The following MYRFL variants were observed in gnomAD, a reference collection of about 807,000 sequenced individuals.
The protein encoded by MYRFL is myelin regulatory factor-like protein.
MYRFL carries 88 observed loss-of-function variants against 109.4 expected under a neutral mutation model. The ratio of observed to expected loss-of-function variants is 0.80; its 90% CI spans 0.68 to 0.96. The LOEUF (loss-of-function observed/expected upper bound fraction) is 0.96. Ranked by LOEUF, MYRFL falls within the 40% of genes least tolerant of loss-of-function variation. The pLI is 0.00. For synonymous variants in MYRFL, 324 were observed against 320.9 expected (o/e 1.01, Z -0.10); for missense variants, 957 against 954.9 (o/e 1.00, Z -0.03).
At chr12:69,853,237 G>A (rs955390461) in intron 1 of MYRFL, among the ~76,000 whole-genome samples, 3 of 151,560 alleles carry the variant, frequency 2.0e-5, no homozygotes, top group Admixed American at 6.6e-5. Flanking sequence ...CCTCCCGGAC[G>A]GGGCGGCTGG....
At chr12:69,829,074 G>A (rs1192618052) in intron 1 of MYRFL, among the ~76,000 whole-genome samples, 1 of 152,004 alleles carries the variant, frequency 6.6e-6, no homozygotes, top group Non-Finnish European at 1.5e-5. Context: ...AAGATCACAA[G>A]TAAAAGCTCA....
chr12:69,925,514 C>G (rs1307692914), intron 13 of MYRFL, among the ~76,000 whole-genome samples: 2 of 152,020 alleles, frequency 1.3e-5, no homozygotes, highest in African/African-American at 2.4e-5. Context: ...CTTGGACCAG[C>G]CTCTCTGCAA....
intron 16 of MYRFL, 44 bp from the exon 17 acceptor site, chr12:69,936,069 C>T: frequency 6.7e-7 from 1 of 1,490,414 alleles, no homozygotes; most frequent in Admixed American, 2.3e-5. Flanking sequence ...AACAAATCTG[C>T]CACATAATGT....
intron 5 of MYRFL, among the ~76,000 whole-genome samples, chr12:69,882,319 G>A (rs573720328): frequency 6.6e-6 from 1 of 150,700 alleles, no homozygotes; most frequent in East Asian, 1.9e-4. Flanking sequence ...AAGAAAGAAA[G>A]AAAAAAAAGA....
At position 69,958,986 on chromosome 12, in the gene MYRFL, T is replaced by TGATA. The variant is rs1428962695; in HGVS notation, c.*456_*459dup. The TGATA allele has an allele frequency of 6.1e-6, 1 of 162,892 alleles. No individual in the cohort carries two copies. Among genetic ancestry groups the TGATA allele is most frequent in the African/African-American group, 2.4e-5 (1 of 41,524 alleles). The allele number at this position is 162,892 out of a possible 1,614,324, so 10.1% of individuals were successfully genotyped here. Reference sequence around the variant, plus strand: ...TGGAGGAGATGTGGGGGGTGGTATCTGATACTGAGCTCACATTTAGGCAAA... The same window carrying TGATA: ...TGGAGGAGATGTGGGGGGTGGTATCTGATAGATACTGAGCTCACATTTAGGCAAA... On this transcript the variant is annotated 3_prime_UTR_variant, in exon 25 of 25. Transcript: ENST00000552032.
At chr12:69,886,052 G>A (rs538660961) in intron 5 of MYRFL, among the ~76,000 whole-genome samples, 16 of 152,132 alleles carry the variant, frequency 1.1e-4, no homozygotes, top group Admixed American at 4.6e-4. Context: ...AAAATATACT[G>A]GTTGCAATGA....
At chr12:69,901,963 A>G (rs1592790218) in intron 10 of MYRFL, among the ~76,000 whole-genome samples, 1 of 147,666 alleles carries the variant, frequency 6.8e-6, no homozygotes, top group South Asian at 2.1e-4. Context: ...GCATGATCTC[A>G]GCTCACTGCA....
chr12:69,940,572 C>A (rs1435965576), intron 19 of MYRFL, among the ~76,000 whole-genome samples: 9 of 152,218 alleles, frequency 5.9e-5, no homozygotes, highest in Admixed American at 3.9e-4. Context: ...TGGAAAGGAA[C>A]AACCGGTACC....
intron 16 of MYRFL, among the ~76,000 whole-genome samples, chr12:69,935,199 T>G (rs1410936963): frequency 1.7e-5 from 2 of 116,594 alleles, no homozygotes; most frequent in African/African-American, 5.7e-5. Flanking sequence ...AGTTTTTTTT[T>G]GTGTATCCTA....
At chr12:69,872,237 A>G (rs1469606728) in intron 2 of MYRFL, among the ~76,000 whole-genome samples, 1 of 152,144 alleles carries the variant, frequency 6.6e-6, no homozygotes, top group Non-Finnish European at 1.5e-5. Flanking sequence ...TCTCTTGGTT[A>G]ACTTTTGACT....
chr12:69,837,277 T>C (rs1319648772), intron 1 of MYRFL, among the ~76,000 whole-genome samples: 1 of 152,170 alleles, frequency 6.6e-6, no homozygotes, highest in Non-Finnish European at 1.5e-5. Context: ...CTCCCTTCTA[T>C]CCTCCTCTCA....
intron 7 of MYRFL, among the ~76,000 whole-genome samples, chr12:69,891,597 CTT>C (rs1491298530): frequency 1.5e-5 from 2 of 137,520 alleles, no homozygotes; most frequent in South Asian, 2.4e-4. Flanking sequence ...TTCTTTCTTT[CTT>C]TCTTTCTCTT....
intron 19 of MYRFL, among the ~76,000 whole-genome samples, chr12:69,940,469 G>A (rs12306573): frequency 0.03 from 4,415 of 148,718 alleles, 177 homozygotes; most frequent in African/African-American, 0.1. Context: ...ATAAGTGAAG[G>A]AGAAATAAAA....
chr12:69,862,747 C>T lies in MYRFL; in HGVS notation c.137+7377C>T, dbSNP rs868842494. On this transcript the variant is annotated intron_variant, in intron 2 of 24. Transcript: ENST00000552032. ...CTAATTGAATACCCTTTATTTCCTT[C>T]TCCTGCCTGATTGCCCTGGCCAGAA... Among the ~76,000 whole-genome samples the T allele has an allele frequency of 2.7e-3, 407 of 152,260 alleles. 5 individuals carry two copies. The highest frequency in any genetic ancestry group is 9.4e-3 in the African/African-American group (392 of 41,548).
intron 15 of MYRFL, among the ~76,000 whole-genome samples, chr12:69,929,252 C>A (rs1955195014): frequency 1.3e-5 from 2 of 152,090 alleles, no homozygotes; most frequent in South Asian, 4.1e-4. Context: ...TAAAGAGCAC[C>A]CGTTCAACTC....
chr12:69,881,321 C>A (rs1886091861), intron 5 of MYRFL, among the ~76,000 whole-genome samples: 1 of 152,156 alleles, frequency 6.6e-6, no homozygotes, highest in African/African-American at 2.4e-5. Context: ...GCAGTGTGAA[C>A]AAATTCAGCG....
intron 1 of MYRFL, among the ~76,000 whole-genome samples, chr12:69,840,015 A>G (rs1043681626): frequency 6.6e-6 from 1 of 152,210 alleles, no homozygotes; most frequent in Non-Finnish European, 1.5e-5. Flanking sequence ...TGACAAAACT[A>G]AAAGACCCAT....
At chr12:69,855,795 C>G (rs1323524478) in intron 2 of MYRFL, among the ~76,000 whole-genome samples, 1 of 146,052 alleles carries the variant, frequency 6.8e-6, no homozygotes. Context: ...TTTTTTTTTT[C>G]TTGGTTAATC....
At chr12:69,906,936 C>A (rs918345282) in intron 11 of MYRFL, among the ~76,000 whole-genome samples, 2 of 152,186 alleles carry the variant, frequency 1.3e-5, no homozygotes, top group African/African-American at 4.8e-5. Context: ...CTATTTGCAT[C>A]CATGGTCAAA....
Sources: allele counts gnomAD v4.1 joint callset (sites outside exome capture counted in the v4.1 genomes callset), GRCh38; gene constraint gnomAD v4.1.1; transcripts MANE v1.5; gene names NCBI Gene and HGNC (gene_info 2026-07-23, HGNC 2026-07-21).